Variants in CCSER2 observed in about 807,000 individuals in gnomAD.
CCSER2 encodes serine-rich coiled-coil domain-containing protein 2.
A neutral mutation model predicts 92.3 loss-of-function variants in CCSER2; 46 were observed. The observed-to-expected ratio is 0.50, with a 90% CI of 0.39 to 0.64. CCSER2 has a LOEUF of 0.64. CCSER2 is among the 30% of genes least tolerant of loss of function. CCSER2 has a pLI of 0.00. For missense variants in CCSER2, 1,244 were observed against 1,238.9 expected (o/e 1.00, Z -0.06); for synonymous variants, 433 against 431.4 (o/e 1.00, Z -0.04).
At chr10:84,395,546 T>G (rs966878388) in intron 3 of CCSER2, among the ~76,000 whole-genome samples, 1 of 152,206 alleles carries the variant, frequency 6.6e-6, no homozygotes, top group African/African-American at 2.4e-5. Flanking sequence ...CAACTTCTAG[T>G]GGCATTTGTG....
In CCSER2 at chr10:84,517,264, A is replaced by G. The variant is rs1352005567; in HGVS notation, c.*2997A>G. On this transcript the variant is annotated 3_prime_UTR_variant, in exon 10 of 10. Coordinates refer to ENST00000372088, the MANE Select transcript of CCSER2 (RefSeq NM_001284240.2). ...TTTGGCTGTTAATGGGATGCATATCAAATTTTTAAAAGAAGGCTTGGCCTA... is the reference window on the plus strand; with the variant it reads ...TTTGGCTGTTAATGGGATGCATATCGAATTTTTAAAAGAAGGCTTGGCCTA... 2 of 152,678 alleles carry G rather than the reference A, an allele frequency of 1.3e-5. No homozygotes were observed. Among genetic ancestry groups the G allele is most frequent in the Non-Finnish European group, 2.9e-5 (2 of 68,042 alleles). The allele number at this position is 152,678 out of a possible 1,614,324, so 9.5% of individuals were successfully genotyped here. A position where few individuals can be genotyped will look rare whatever the true frequency, so the allele number is the denominator to read the frequency against.
In CCSER2 at chr10:84,483,956, TA is replaced by T. The variant is rs1847620544; in HGVS notation, c.2325+6293del. Among the ~76,000 whole-genome samples, 833 of 89,104 alleles carry T rather than the reference TA, an allele frequency of 9.3e-3. 20 individuals carry two copies. Among genetic ancestry groups the T allele is most frequent in the South Asian group, 0.015 (45 of 3,068 alleles). The allele number at this position is 89,104 out of a possible 152,430, so 58.5% of individuals were successfully genotyped here. ...CATCCCACCACACCCGGCTAATTTA[TA>T]TATATATATATATATATATATATAT... On this transcript the variant is annotated intron_variant, in intron 9 of 9. Coordinates refer to ENST00000372088, the MANE Select transcript of CCSER2 (RefSeq NM_001284240.2).
intron 6 of CCSER2, among the ~76,000 whole-genome samples, chr10:84,450,936 T>TA (rs1845244222): frequency 6.6e-6 from 1 of 152,224 alleles, no homozygotes; most frequent in Non-Finnish European, 1.5e-5. Flanking sequence ...TTGTACAAAA[T>TA]ACAATTTGAG....
chr10:84,358,902 AT>A (rs1845348765), intron 1 of CCSER2, among the ~76,000 whole-genome samples: 1 of 152,008 alleles, frequency 6.6e-6, no homozygotes, highest in Non-Finnish European at 1.5e-5. Context: ...AGAAACTTTC[AT>A]TTTGATTGGT....
intron 9 of CCSER2, among the ~76,000 whole-genome samples, chr10:84,493,584 G>C (rs1181957034): frequency 1.3e-5 from 2 of 152,202 alleles, no homozygotes; most frequent in Non-Finnish European, 2.9e-5. Flanking sequence ...TGCTAAGCAA[G>C]GGGTGGATTA....
chr10:84,414,941 T>C (rs1329071983), intron 3 of CCSER2, among the ~76,000 whole-genome samples: 1 of 152,212 alleles, frequency 6.6e-6, no homozygotes. Context: ...TCTATTCTGC[T>C]ATTGATACTG....
chr10:84,380,163 CT>C (rs1218504730), intron 3 of CCSER2, among the ~76,000 whole-genome samples: 1 of 152,194 alleles, frequency 6.6e-6, no homozygotes, highest in Non-Finnish European at 1.5e-5. Context: ...ATGTCGTCAT[CT>C]GACTTCAACA....
intron 1 of CCSER2, among the ~76,000 whole-genome samples, chr10:84,359,824 T>A (rs7082285): frequency 0.077 from 11,714 of 152,156 alleles, 514 homozygotes; most frequent in Middle Eastern, 0.12. Flanking sequence ...ATTTTATTTT[T>A]TTTTTCTGAG....
At chr10:84,457,323 A>T (rs1175896783) in intron 6 of CCSER2, among the ~76,000 whole-genome samples, 2 of 70,422 alleles carry the variant, frequency 2.8e-5, no homozygotes, top group African/African-American at 9.7e-5. Context: ...ATAATATATT[A>T]TATATAATAT....
At chr10:84,336,300 C>T (rs1589377957) in intron 1 of CCSER2, among the ~76,000 whole-genome samples, 1 of 152,144 alleles carries the variant, frequency 6.6e-6, no homozygotes, top group Non-Finnish European at 1.5e-5. Context: ...GTCAACAAAA[C>T]AAATTTTCTG....
chr10:84,503,635 C>T (rs1848889264), intron 9 of CCSER2, among the ~76,000 whole-genome samples: 1 of 152,136 alleles, frequency 6.6e-6, no homozygotes. Context: ...CTTGACTTTT[C>T]AAAAAGTATG....
At chr10:84,376,188 C>T (rs544872058) in intron 3 of CCSER2, among the ~76,000 whole-genome samples, 1 of 152,262 alleles carries the variant, frequency 6.6e-6, no homozygotes, top group Admixed American at 6.5e-5. Context: ...TTCATAACAC[C>T]AGTCTAGAAT....
At chr10:84,428,391 G>C (rs1332061194) in intron 5 of CCSER2, among the ~76,000 whole-genome samples, 1 of 152,274 alleles carries the variant, frequency 6.6e-6, no homozygotes, top group East Asian at 1.9e-4. Flanking sequence ...GATACGACAG[G>C]AGGTGGAGCT....
chr10:84,381,885 A>G (rs1272587001), intron 3 of CCSER2, among the ~76,000 whole-genome samples: 1 of 142,406 alleles, frequency 7.0e-6, no homozygotes, highest in Non-Finnish European at 1.5e-5. Context: ...ATCATGCCAC[A>G]CTCCAGCCTG....
chr10:84,340,135 A>G (rs7893392), intron 1 of CCSER2, among the ~76,000 whole-genome samples: 50,520 of 152,034 alleles, frequency 0.33, 9,919 homozygotes, highest in African/African-American at 0.55. Flanking sequence ...GAGCCACTGC[A>G]CCTGGCCATC....
chr10:84,368,554 A>G (rs1480646905), intron 1 of CCSER2, among the ~76,000 whole-genome samples: 1 of 152,152 alleles, frequency 6.6e-6, no homozygotes, highest in Non-Finnish European at 1.5e-5. Context: ...GCCAGGGTTG[A>G]CTTGGAATCA....
intron 6 of CCSER2, among the ~76,000 whole-genome samples, chr10:84,445,714 A>G (rs992305110): frequency 5.9e-5 from 9 of 152,218 alleles, no homozygotes; most frequent in African/African-American, 1.9e-4. Context: ...ATGAAATAAT[A>G]TAGGATATAC....
chr10:84,395,570 A>G (rs1307078585), intron 3 of CCSER2, among the ~76,000 whole-genome samples: 3 of 152,164 alleles, frequency 2.0e-5, no homozygotes, highest in Non-Finnish European at 2.9e-5. Flanking sequence ...TACTTCCGCA[A>G]TCTTTTATCC....
chr10:84,496,768 C>T (rs1028231007), intron 9 of CCSER2, among the ~76,000 whole-genome samples: 9 of 152,070 alleles, frequency 5.9e-5, no homozygotes, highest in Non-Finnish European at 8.8e-5. Flanking sequence ...TTTCCAGGGG[C>T]TGGCTTCTCT....
Sources: allele counts gnomAD v4.1 joint callset (sites outside exome capture counted in the v4.1 genomes callset), GRCh38; gene constraint gnomAD v4.1.1; transcripts MANE v1.5; gene names NCBI Gene and HGNC (gene_info 2026-07-23, HGNC 2026-07-21).